Variants in KALRN observed in about 807,000 individuals in gnomAD.
The protein encoded by KALRN is kalirin.
Under a neutral mutation model 353.7 loss-of-function variants are expected in KALRN, and 70 were observed. The ratio of observed to expected loss-of-function variants is 0.20; its 90% CI spans 0.16 to 0.24. The LOEUF (loss-of-function observed/expected upper bound fraction) is 0.24, where lower values mean the gene tolerates loss of function less well. KALRN is among the 10% of genes least tolerant of loss of function. The pLI is 1.00. For synonymous variants in KALRN, 1,391 were observed against 1,434.8 expected (o/e 0.97, Z 0.69); for missense variants, 2,791 against 3,756.7 (o/e 0.74, Z 6.72).
At chr3:124,616,478 C>A (rs1224039904) in intron 34 of KALRN, among the ~76,000 whole-genome samples, 1 of 152,202 alleles carries the variant, frequency 6.6e-6, no homozygotes, top group Non-Finnish European at 1.5e-5. Context: ...ATACCATCTC[C>A]AGGAGTCTCA....
chr3:124,061,108 A>G (rs748828267), intron 1 of KALRN, among the ~76,000 whole-genome samples: 5 of 152,202 alleles, frequency 3.3e-5, no homozygotes, highest in African/African-American at 4.8e-5. Context: ...ACCCTGTGCA[A>G]CTACACACCT....
Position 124,482,834 on chromosome 3 carries a change from C to G in KALRN, c.4218C>G (p.Ala1406=). The change falls in exon 28 of 60, where the codon GCC becomes GCG. Residue 1406 remains alanine (A), a synonymous_variant. Transcript: ENST00000682506. Reference sequence around the variant, plus strand: ...AGATACAACAGCGGCATGGTCTGGCCAACTCCATCTCTTCCTACCTAATTA... The same window carrying G: ...AGATACAACAGCGGCATGGTCTGGCGAACTCCATCTCTTCCTACCTAATTA... ...FDEIQQRHGL[A]NSISSYLIKP... 1 of 1,613,498 alleles carries G rather than the reference C, an allele frequency of 6.2e-7. No individual in the cohort carries two copies. Among genetic ancestry groups the G allele is most frequent in the Non-Finnish European group, 8.5e-7 (1 of 1,179,416 alleles).
intron 1 of KALRN, among the ~76,000 whole-genome samples, chr3:124,202,817 C>T (rs1045474178): frequency 2.6e-5 from 4 of 152,146 alleles, no homozygotes; most frequent in Non-Finnish European, 5.9e-5. Flanking sequence ...AATGTGATTC[C>T]CTTAATTCCT....
At chr3:124,398,362 T>C (rs61433231) in intron 12 of KALRN, among the ~76,000 whole-genome samples, 2,146 of 152,320 alleles carry the variant, frequency 0.014, 41 homozygotes, top group African/African-American at 0.049. Context: ...CATATATGTG[T>C]GGAACCATTC....
intron 13 of KALRN, among the ~76,000 whole-genome samples, chr3:124,410,726 C>G (rs2092077776): frequency 6.6e-6 from 1 of 152,158 alleles, no homozygotes; most frequent in African/African-American, 2.4e-5. Context: ...GCAACCGGAA[C>G]TTGAATACGT....
intron 34 of KALRN, among the ~76,000 whole-genome samples, chr3:124,616,890 A>G (rs1455730831): frequency 1.3e-5 from 2 of 151,590 alleles, no homozygotes; most frequent in East Asian, 3.9e-4. Context: ...GCGTGAACCC[A>G]GGAGGCGGAG....
chr3:124,616,081 C>T (rs2078552982), intron 34 of KALRN, among the ~76,000 whole-genome samples: 1 of 152,224 alleles, frequency 6.6e-6, no homozygotes, highest in East Asian at 1.9e-4. Context: ...ACACTGCAAA[C>T]AAGCAGTCTT....
At chr3:124,646,758 T>C (rs981600472) in intron 37 of KALRN, among the ~76,000 whole-genome samples, 4 of 151,792 alleles carry the variant, frequency 2.6e-5, no homozygotes, top group African/African-American at 9.7e-5. Flanking sequence ...ATATGCTTAT[T>C]CAAAAAAATT....
At chr3:124,266,436 C>T (rs2073559853) in intron 4 of KALRN, among the ~76,000 whole-genome samples, 1 of 152,006 alleles carries the variant, frequency 6.6e-6, no homozygotes, top group Admixed American at 6.5e-5. Flanking sequence ...TGTTTTTAAA[C>T]TAAATTTTCT....
chr3:124,632,275 AGAGGGTTCT>A (rs1334532457), intron 34 of KALRN, 136 bp from the exon 35 acceptor site: 7 of 706,276 alleles, frequency 9.9e-6, no homozygotes, highest in Admixed American at 2.8e-5. Context: ...ACTGTTGTTG[AGAGGGTTCT>A]CTGGACTGGG....
At chr3:124,171,575 G>T (rs1031298412) in intron 1 of KALRN, among the ~76,000 whole-genome samples, 1 of 152,070 alleles carries the variant, frequency 6.6e-6, no homozygotes. Context: ...CAAGTCATGG[G>T]CTAGTTCAGA....
At chr3:124,510,633 T>A (rs966074853) in intron 33 of KALRN, among the ~76,000 whole-genome samples, 5 of 152,122 alleles carry the variant, frequency 3.3e-5, no homozygotes, top group African/African-American at 1.2e-4. Flanking sequence ...CTATTGTTAG[T>A]CCATCCACAA....
At position 124,413,509 on chromosome 3, in the gene KALRN, C is replaced by A; in HGVS notation, c.2386C>A (p.Arg796=). The A allele has an allele frequency of 6.2e-7, 1 of 1,614,090 alleles. No homozygotes were observed. Among genetic ancestry groups the A allele is most frequent in the Non-Finnish European group, 8.5e-7 (1 of 1,179,996 alleles). The change falls in exon 14 of 60, where the codon CGG becomes AGG. Residue 796 remains arginine (R), a synonymous_variant. Transcript: ENST00000682506. Reference sequence around the variant, plus strand: ...AGACGCCTGGAATGAAGACTTGCTTCGGCAGATGAATGACTTCAACACAGA... The same window carrying A: ...AGACGCCTGGAATGAAGACTTGCTTAGGCAGATGAATGACTTCAACACAGA... ...ELDAWNEDLL[R]QMNDFNTEDL...
In KALRN at chr3:124,726,155, A is replaced by G. The variant is rs2063416296; in HGVS notation, c.*6685A>G. The G allele has an allele frequency of 6.6e-6, 1 of 152,152 alleles. No individual in the cohort carries two copies. The highest frequency in any genetic ancestry group is 2.1e-4 in the South Asian group (1 of 4,824). 9.4% of individuals were successfully genotyped at this position (152,152 alleles called of 1,614,324 possible). The stretch of plus-strand genomic sequence containing the variant: ...GCACACAATGTCGTTTTGTAAAGGT[A>G]GGTTGTAAATATTTTATTTGTAAGT... On this transcript the variant is annotated 3_prime_UTR_variant, in exon 60 of 60. Coordinates refer to ENST00000682506, the MANE Select transcript of KALRN (RefSeq NM_001388419.1).
intron 34 of KALRN, among the ~76,000 whole-genome samples, chr3:124,599,452 C>G (rs777145774): frequency 6.6e-6 from 1 of 152,140 alleles, no homozygotes; most frequent in Non-Finnish European, 1.5e-5. Flanking sequence ...TTAAAAGAAC[C>G]AGAGTCCCAT....
chr3:124,172,596 G>A (rs1013958215), intron 1 of KALRN, among the ~76,000 whole-genome samples: 1 of 152,046 alleles, frequency 6.6e-6, no homozygotes, highest in Non-Finnish European at 1.5e-5. Flanking sequence ...CTGTACCCTA[G>A]CAATCAGAAT....
At chr3:124,206,266 C>G (rs2076403070) in intron 1 of KALRN, among the ~76,000 whole-genome samples, 2 of 152,168 alleles carry the variant, frequency 1.3e-5, no homozygotes, top group African/African-American at 4.8e-5. Flanking sequence ...TCAGAGTCCT[C>G]CACTGAACAC....
intron 33 of KALRN, among the ~76,000 whole-genome samples, chr3:124,549,627 A>C (rs2070217728): frequency 6.6e-6 from 1 of 152,320 alleles, no homozygotes; most frequent in Middle Eastern, 3.4e-3. Flanking sequence ...ACATATATAC[A>C]CACAAGCCAT....
chr3:124,354,239 T>C (rs1560654825), intron 10 of KALRN, among the ~76,000 whole-genome samples: 1 of 152,236 alleles, frequency 6.6e-6, no homozygotes, highest in Non-Finnish European at 1.5e-5. Flanking sequence ...AGTAACAAAC[T>C]GAAAGATTTG....
Sources: gnomAD v4.1 joint callset for allele counts (sites outside exome capture counted in the v4.1 genomes callset) on GRCh38, gnomAD v4.1.1 for gene constraint, MANE v1.5 for transcripts, NCBI Gene and HGNC (gene_info 2026-07-23, HGNC 2026-07-21) for gene names.